Variants in CC2D2A observed in about 807,000 individuals in gnomAD.
CC2D2A encodes the protein coiled-coil and C2 domain-containing protein 2A.
A neutral mutation model predicts 212.9 loss-of-function variants in CC2D2A; 155 were observed. That is an observed-to-expected ratio of 0.73 (90% confidence interval 0.64 to 0.83). The LOEUF (loss-of-function observed/expected upper bound fraction) is 0.83. Ranked by LOEUF, CC2D2A falls within the 40% of genes least tolerant of loss-of-function variation. The probability of loss-of-function intolerance (pLI) is 0.00; values close to 1 mark genes in which losing one functional copy is unlikely to be tolerated. For missense variants in CC2D2A, 1,856 were observed against 1,956.2 expected (o/e 0.95, Z 0.97); for synonymous variants, 667 against 686.5 (o/e 0.97, Z 0.44).
At chr4:15,502,768 A>G (rs559415223) in intron 5 of CC2D2A, 54 bp from the exon 6 acceptor site, 1 of 1,440,732 alleles carries the variant, frequency 6.9e-7, no homozygotes, top group East Asian at 2.4e-5. Context: ...TTTACTGATT[A>G]TTTCTCGGCA....
chr4:15,493,762 A>G (rs976299007), intron 4 of CC2D2A, among the ~76,000 whole-genome samples: 7 of 152,172 alleles, frequency 4.6e-5, no homozygotes, highest in African/African-American at 1.7e-4. Context: ...TTACTGCCCT[A>G]TCCCTAGTAC....
At chr4:15,559,630 A>G (rs16892152) in intron 22 of CC2D2A, among the ~76,000 whole-genome samples, 40,690 of 151,960 alleles carry the variant, frequency 0.27, 5,660 homozygotes, top group East Asian at 0.46. Flanking sequence ...TGCACTAGAA[A>G]ACTAAAAATT....
intron 4 of CC2D2A, among the ~76,000 whole-genome samples, chr4:15,488,140 A>G (rs1311659583): frequency 1.3e-5 from 2 of 152,140 alleles, no homozygotes; most frequent in Non-Finnish European, 2.9e-5. Context: ...CTGTGTACTT[A>G]TGTTCACTGG....
intron 24 of CC2D2A, among the ~76,000 whole-genome samples, chr4:15,566,114 T>C (rs1212735504): frequency 6.6e-6 from 1 of 152,214 alleles, no homozygotes; most frequent in Non-Finnish European, 1.5e-5. Context: ...AATACAAATA[T>C]GCAAGTATGT....
At chr4:15,598,933 G>A (rs1006771466) in intron 35 of CC2D2A, among the ~76,000 whole-genome samples, 1 of 152,140 alleles carries the variant, frequency 6.6e-6, no homozygotes, top group Non-Finnish European at 1.5e-5. Flanking sequence ...GCCAAGGCAG[G>A]CGGATCACTT....
chr4:15,510,407 A>T lies in CC2D2A; in HGVS notation c.540+167A>T, dbSNP rs369648181. 2.5e-3 allele frequency among the ~76,000 whole-genome samples: 378 copies of T among 152,220 alleles called. 3 individuals are homozygous for T. Among genetic ancestry groups the T allele is most frequent in the African/African-American group, 8.7e-3 (361 of 41,550 alleles). On this transcript the variant is annotated intron_variant, in intron 7 of 36. Coordinates refer to ENST00000424120, the MANE Select transcript of CC2D2A (RefSeq NM_001378615.1). ...GCACAGGAGTTCAAGACCAGCCTGG[A>T]CAACATGGCGAAACCCCATCTCTAC...
At chr4:15,530,226 C>CAGA (rs1361196843) in intron 13 of CC2D2A, among the ~76,000 whole-genome samples, 1 of 152,174 alleles carries the variant, frequency 6.6e-6, no homozygotes, top group Non-Finnish European at 1.5e-5. Flanking sequence ...CCGCCTTGGC[C>CAGA]TCCCAAAGTG....
intron 4 of CC2D2A, among the ~76,000 whole-genome samples, chr4:15,490,516 T>A (rs1715237579): frequency 6.6e-6 from 1 of 152,270 alleles, no homozygotes; most frequent in African/African-American, 2.4e-5. Flanking sequence ...TTTCATCATA[T>A]GGACACACTA....
At chr4:15,541,157 CA>C (rs879941888) in intron 17 of CC2D2A, 143 bp downstream of exon 17, 40,110 of 411,136 alleles carry the variant, frequency 0.098, no homozygotes, top group Middle Eastern at 0.12. Flanking sequence ...ACTGTAAATA[CA>C]AAAAAAAAAA....
At chr4:15,584,394 T>C (rs992934618) in intron 30 of CC2D2A, among the ~76,000 whole-genome samples, 6 of 152,056 alleles carry the variant, frequency 3.9e-5, no homozygotes, top group Admixed American at 6.5e-5. Flanking sequence ...AGAACACACA[T>C]TGGGAAAAAG....
chr4:15,594,005 T>G (rs1721215530), intron 33 of CC2D2A, among the ~76,000 whole-genome samples: 1 of 152,080 alleles, frequency 6.6e-6, no homozygotes, highest in Admixed American at 6.5e-5. Context: ...CTACGGGACC[T>G]CCATGATCTG....
chr4:15,471,010 C>T (rs1029107205), intron 1 of CC2D2A, among the ~76,000 whole-genome samples: 1 of 151,964 alleles, frequency 6.6e-6, no homozygotes, highest in Non-Finnish European at 1.5e-5. Flanking sequence ...TCATATATCA[C>T]GTAACACAGC....
intron 30 of CC2D2A, 131 bp downstream of exon 30, chr4:15,580,302 T>C (rs997822307): frequency 4.1e-6 from 3 of 729,844 alleles, no homozygotes; most frequent in East Asian, 2.7e-5. Context: ...ACAAAAGTAA[T>C]GATTAAAACA....
At chr4:15,600,839 G>C in intron 36 of CC2D2A, among the ~76,000 whole-genome samples, 1 of 149,944 alleles carries the variant, frequency 6.7e-6, no homozygotes, top group East Asian at 2.0e-4. Flanking sequence ...AGGAGGCCGA[G>C]GCTGCAGTGG....
chr4:15,567,632 A>T, intron 25 of CC2D2A, 45 bp from the exon 26 acceptor site: 9 of 1,442,506 alleles, frequency 6.2e-6, no homozygotes, highest in Non-Finnish European at 8.5e-6. Context: ...GAATAAAATA[A>T]TTTGACTAAC....
rs538142479 is a variant in CC2D2A at position 15,470,040 on chromosome 4, T to C, written c.-36T>C. ...AGAATGCAGAATCTGCAAAGTGCCT[T>C]TTGTAAAGTTTCTTAAGGTAAATCA... is the stretch of plus-strand genomic sequence containing the variant. On this transcript the variant is annotated 5_prime_UTR_variant, in exon 1 of 37. Coordinates refer to ENST00000424120, the MANE Select transcript of CC2D2A (RefSeq NM_001378615.1). 1 of 152,250 alleles carries C rather than the reference T, an allele frequency of 6.6e-6. No homozygotes were observed. The highest frequency in any genetic ancestry group is 2.1e-4 in the South Asian group (1 of 4,826). 9.4% of individuals were successfully genotyped at this position (152,250 alleles called of 1,614,324 possible). A position where few individuals can be genotyped will look rare whatever the true frequency, so the allele number is the denominator to read the frequency against.
intron 11 of CC2D2A, among the ~76,000 whole-genome samples, chr4:15,520,705 T>A (rs1717150320): frequency 6.6e-6 from 1 of 152,206 alleles, no homozygotes; most frequent in African/African-American, 2.4e-5. Context: ...TCCTATTCCA[T>A]TTCTCACGAA....
intron 12 of CC2D2A, 99 bp from the exon 13 acceptor site, chr4:15,528,521 T>C: frequency 1.2e-6 from 1 of 839,542 alleles, no homozygotes; most frequent in Non-Finnish European, 2.0e-6. Flanking sequence ...ATTCACAGAC[T>C]GATGGCACCA....
chr4:15,520,961 A>G (rs983172645), intron 11 of CC2D2A, among the ~76,000 whole-genome samples: 3 of 152,150 alleles, frequency 2.0e-5, no homozygotes, highest in African/African-American at 7.2e-5. Context: ...GGGTGGGTAG[A>G]GAAGGACAGA....
Sources: allele counts gnomAD v4.1 joint callset (sites outside exome capture counted in the v4.1 genomes callset), GRCh38; gene constraint gnomAD v4.1.1; transcripts MANE v1.5; gene names NCBI Gene and HGNC (gene_info 2026-07-23, HGNC 2026-07-21).